The following XKR4 variants were observed in gnomAD, a reference collection of about 807,000 sequenced individuals.
XKR4 encodes the protein XK related 4.
A neutral mutation model predicts 53.9 loss-of-function variants in XKR4; 12 were observed. The observed-to-expected ratio is 0.22, with a 90% confidence interval of 0.14 to 0.36. The LOEUF (loss-of-function observed/expected upper bound fraction) is 0.36. Among genes scored for constraint, XKR4 ranks in the 10% least tolerant of loss-of-function variants. The pLI is 1.00. For synonymous variants in XKR4, 354 were observed against 362.4 expected, an observed-to-expected ratio of 0.98 and a Z score of 0.26; for missense variants, 799 against 859.5, an observed-to-expected ratio of 0.93 and a Z score of 0.88.
In XKR4 at chr8:55,521,616, C is replaced by T. The variant is rs189394430; in HGVS notation, c.1007-1665C>T. 1.5e-4 allele frequency among the ~76,000 whole-genome samples: 23 copies of T among 152,280 alleles called. No homozygotes were observed. In the East Asian group the frequency reaches 4.2e-3, roughly 28 times the overall value. On this transcript the variant is annotated intron_variant, in intron 2 of 2. Transcript: ENST00000327381. ...TCCCAGTGTAGCATGTCTAGTTGTT[C>T]TGCTGGCTTTATTGGGAGGAAATAT...
At chr8:55,401,334 G>A (rs1020125577) in intron 2 of XKR4, among the ~76,000 whole-genome samples, 1 of 152,210 alleles carries the variant, frequency 6.6e-6, no homozygotes, top group African/African-American at 2.4e-5. Context: ...AGGCATGATG[G>A]TTATCATGAA....
chr8:55,141,649 C>CTCTG (rs1236073223), intron 1 of XKR4, among the ~76,000 whole-genome samples: 5 of 143,412 alleles, frequency 3.5e-5, no homozygotes, highest in Middle Eastern at 7.0e-3. Context: ...TTCTGCTTCT[C>CTCTG]TCTCTCTCTC....
intron 1 of XKR4, among the ~76,000 whole-genome samples, chr8:55,323,403 T>C (rs1299659432): frequency 2.0e-5 from 3 of 152,214 alleles, no homozygotes; most frequent in Non-Finnish European, 4.4e-5. Context: ...TTTCTCTCTA[T>C]AGTTTCACCT....
At chr8:55,488,397 A>G (rs1269881178) in intron 2 of XKR4, among the ~76,000 whole-genome samples, 1 of 152,242 alleles carries the variant, frequency 6.6e-6, no homozygotes, top group African/African-American at 2.4e-5. Flanking sequence ...AAATGTTTAC[A>G]ACAACTTTAT....
chr8:55,133,503 G>A (rs1263080456), intron 1 of XKR4, among the ~76,000 whole-genome samples: 2 of 152,186 alleles, frequency 1.3e-5, no homozygotes, highest in Admixed American at 6.5e-5. Context: ...AGGATGAAAT[G>A]CTGCTTCATG....
rs751730385 is a variant in XKR4 at position 55,531,630 on chromosome 8, C to T, written c.*7403C>T. ...ACACACAAAAAAATTGAAATACTCT[C>T]TTGGTGCATAGTATTTGATTGAAAA... is the stretch of plus-strand genomic sequence containing the variant. On this transcript the variant is annotated 3_prime_UTR_variant, in exon 3 of 3. Transcript: ENST00000327381. 7 of 152,054 alleles carry T rather than the reference C, an allele frequency of 4.6e-5. No homozygotes were observed. Among genetic ancestry groups the T allele is most frequent in the Non-Finnish European group, 8.8e-5 (6 of 68,018 alleles). 9.4% of individuals were successfully genotyped at this position (152,054 alleles called of 1,614,324 possible).
chr8:55,200,245 T>G (rs1270659606), intron 1 of XKR4, among the ~76,000 whole-genome samples: 1 of 152,154 alleles, frequency 6.6e-6, no homozygotes, highest in Non-Finnish European at 1.5e-5. Flanking sequence ...TTTTTGTATT[T>G]TTAGTAGAGA....
chr8:55,433,964 A>G (rs1216609316), intron 2 of XKR4, among the ~76,000 whole-genome samples: 2 of 152,100 alleles, frequency 1.3e-5, no homozygotes, highest in Middle Eastern at 3.2e-3. Flanking sequence ...AGCCGAGGAG[A>G]CTGAGGTTGC....
intron 1 of XKR4, among the ~76,000 whole-genome samples, chr8:55,213,325 C>T (rs566285659): frequency 1.3e-5 from 2 of 152,182 alleles, no homozygotes; most frequent in African/African-American, 2.4e-5. Context: ...TATAGGGAGT[C>T]GAAGCTGTCC....
At chr8:55,463,077 G>T (rs532570829) in intron 2 of XKR4, among the ~76,000 whole-genome samples, 1 of 152,024 alleles carries the variant, frequency 6.6e-6, no homozygotes, top group South Asian at 2.1e-4. Flanking sequence ...GAGACAGAAA[G>T]TTAATGAGGA....
Position 55,103,885 on chromosome 8 carries a change from A to ATG in XKR4, c.806+592_806+593insGT, listed in dbSNP as rs1259587326. ...TATATATATATATATATATATATAT[A>ATG]TATATATATCCCCGAGCATGATTCA... On this transcript the variant is annotated intron_variant, in intron 1 of 2. Coordinates refer to ENST00000327381, the MANE Select transcript of XKR4 (RefSeq NM_052898.2). Among the ~76,000 whole-genome samples the ATG allele has an allele frequency of 8.0e-4, 110 of 137,436 alleles. 1 individual carries two copies. The highest frequency in any genetic ancestry group is 3.1e-3 in the African/African-American group (107 of 34,980). 90.2% of individuals were successfully genotyped at this position (137,436 alleles called of 152,430 possible).
intron 2 of XKR4, among the ~76,000 whole-genome samples, chr8:55,413,758 G>C (rs1804806709): frequency 6.6e-6 from 1 of 151,986 alleles, no homozygotes; most frequent in Non-Finnish European, 1.5e-5. Flanking sequence ...AGGCTCACAG[G>C]TCTCACTTAA....
In XKR4 at chr8:55,527,425, T is replaced by C. The variant is rs1233471752; in HGVS notation, c.*3198T>C. 1 of 152,218 alleles carries C rather than the reference T, an allele frequency of 6.6e-6. No homozygotes were observed. The highest frequency in any genetic ancestry group is 1.5e-5 in the Non-Finnish European group (1 of 68,036). The allele number at this position is 152,218 out of a possible 1,614,324, so 9.4% of individuals were successfully genotyped here. On this transcript the variant is annotated 3_prime_UTR_variant, in exon 3 of 3. Transcript: ENST00000327381. ...TTTTGCATAGGATCAGGAAATTTTC[T>C]AAAGGAACAACATTGTAATTTGTTT...
At chr8:55,151,393 A>G (rs1816837803) in intron 1 of XKR4, among the ~76,000 whole-genome samples, 1 of 152,212 alleles carries the variant, frequency 6.6e-6, no homozygotes, top group African/African-American at 2.4e-5. Flanking sequence ...AGCATAAGAC[A>G]TGCTGCCAAT....
chr8:55,145,664 AT>A (rs1816764471), intron 1 of XKR4, among the ~76,000 whole-genome samples: 1 of 152,166 alleles, frequency 6.6e-6, no homozygotes, highest in Admixed American at 6.5e-5. Context: ...AAGCTGTTTT[AT>A]TTGCTATTCA....
At chr8:55,197,523 C>T (rs1045238578) in intron 1 of XKR4, among the ~76,000 whole-genome samples, 1 of 151,736 alleles carries the variant, frequency 6.6e-6, no homozygotes, top group African/African-American at 2.4e-5. Context: ...CTGTCTAACA[C>T]CAAAGCGCTG....
chr8:55,450,338 T>G (rs1805418503), intron 2 of XKR4: 2 of 705,636 alleles, frequency 2.8e-6, no homozygotes, highest in East Asian at 3.0e-5. Context: ...TCCTACACTT[T>G]CAGGTTGGAC....
chr8:55,451,888 A>C, intron 2 of XKR4: 1 of 844,796 alleles, frequency 1.2e-6, no homozygotes, highest in African/African-American at 1.7e-5. Context: ...GCTGGGCTCC[A>C]GCTCTTCCGA....
At chr8:55,220,716 G>A (rs893209094) in intron 1 of XKR4, among the ~76,000 whole-genome samples, 1 of 152,166 alleles carries the variant, frequency 6.6e-6, no homozygotes, top group South Asian at 2.1e-4. Context: ...AGGTCTTACT[G>A]TCTCCTTTTT....
Sources: allele counts gnomAD v4.1 joint callset (sites outside exome capture counted in the v4.1 genomes callset), GRCh38; gene constraint gnomAD v4.1.1; transcripts MANE v1.5; gene names NCBI Gene and HGNC (gene_info 2026-07-23, HGNC 2026-07-21).